The following STON2 variants were observed in gnomAD, a reference collection of about 807,000 sequenced individuals.
The protein encoded by STON2 is stonin 2.
Under a neutral mutation model 65.7 loss-of-function variants are expected in STON2, and 29 were observed. That is an observed-to-expected ratio of 0.44 (90% confidence interval 0.33 to 0.60). The LOEUF is 0.60. Ranked by LOEUF, STON2 falls within the 20% of genes least tolerant of loss-of-function variation. The probability of loss-of-function intolerance (pLI) is 0.03; values close to 1 mark genes in which losing one functional copy is unlikely to be tolerated. For missense variants in STON2, 1,054 were observed against 1,118.1 expected, an observed-to-expected ratio of 0.94 and a Z score of 0.82; for synonymous variants, 404 against 414.2, an observed-to-expected ratio of 0.98 and a Z score of 0.30.
chr14:81,261,666 A>G lies in STON2; in HGVS notation c.*6748T>C, dbSNP rs1894150145. On this transcript the variant is annotated 3_prime_UTR_variant, in exon 8 of 8. Coordinates refer to ENST00000614646, the MANE Select transcript of STON2 (RefSeq NM_001394390.1). Reference sequence around the variant, plus strand: ...TTTATACAAAATGACAAATATATATATACCTCATTGATTATCCTATCATCC... The same window carrying G: ...TTTATACAAAATGACAAATATATATGTACCTCATTGATTATCCTATCATCC... The G allele has an allele frequency of 2.1e-6, 2 of 959,846 alleles. No homozygotes were observed. Among genetic ancestry groups the G allele is most frequent in the African/African-American group, 1.7e-5 (1 of 60,214 alleles). The allele number at this position is 959,846 out of a possible 1,614,324, so 59.5% of individuals were successfully genotyped here.
intron 1 of STON2, among the ~76,000 whole-genome samples, chr14:81,429,389 T>G (rs1365684764): frequency 6.6e-6 from 1 of 152,254 alleles, no homozygotes; most frequent in Admixed American, 6.5e-5. Context: ...CCTGCAAGTT[T>G]GACAGAGTTT....
intron 3 of STON2, among the ~76,000 whole-genome samples, chr14:81,391,411 T>A (rs983275460): frequency 7.2e-5 from 11 of 152,196 alleles, no homozygotes; most frequent in African/African-American, 2.7e-4. Context: ...ACTGTGTAAC[T>A]TGGGGAATGT....
Position 81,265,946 on chromosome 14 carries a change from A to C in STON2, c.*2468T>G, listed in dbSNP as rs1489420573. The C allele has an allele frequency of 1.0e-6, 1 of 985,428 alleles. No homozygotes were observed. Among genetic ancestry groups the C allele is most frequent in the Non-Finnish European group, 1.2e-6 (1 of 829,926 alleles). The allele number at this position is 985,428 out of a possible 1,614,324, so 61.0% of individuals were successfully genotyped here. A position where few individuals can be genotyped will look rare whatever the true frequency, so the allele number is the denominator to read the frequency against. On this transcript the variant is annotated 3_prime_UTR_variant, in exon 8 of 8. Transcript: ENST00000614646. ...GCTTCATTTCCCTTGCCAACTCTCC[A>C]ATCCATTTAGATGTTCTATGAGGAA... is the stretch of plus-strand genomic sequence containing the variant.
At chr14:81,393,598 A>G (rs1012318625) in intron 3 of STON2, among the ~76,000 whole-genome samples, 6 of 152,218 alleles carry the variant, frequency 3.9e-5, no homozygotes, top group Admixed American at 2.6e-4. Flanking sequence ...TGTAATATGG[A>G]TTAATATTAA....
At chr14:81,323,655 C>A (rs540948124) in intron 5 of STON2, 1 of 152,246 alleles carries the variant, frequency 6.6e-6, no homozygotes, top group African/African-American at 2.4e-5. Context: ...TTCAATTAGT[C>A]AGAGGTGCCT....
At chr14:81,365,874 C>T (rs1468915241) in intron 4 of STON2, among the ~76,000 whole-genome samples, 3 of 152,318 alleles carry the variant, frequency 2.0e-5, no homozygotes, top group East Asian at 3.9e-4. Context: ...ACTTCAAAGG[C>T]AGAAGGTTTG....
chr14:81,426,462 A>C (rs1226714942), intron 2 of STON2, among the ~76,000 whole-genome samples: 4 of 152,118 alleles, frequency 2.6e-5, no homozygotes, highest in Non-Finnish European at 5.9e-5. Context: ...TCCATCTATA[A>C]GCTAGGGACC....
chr14:81,326,529 C>A (rs1043873980), intron 4 of STON2, among the ~76,000 whole-genome samples: 1 of 152,138 alleles, frequency 6.6e-6, no homozygotes, highest in Non-Finnish European at 1.5e-5. Flanking sequence ...TTGAAACCTG[C>A]ATTACACAAG....
chr14:81,296,890 C>A (rs1895781950), intron 5 of STON2, among the ~76,000 whole-genome samples: 1 of 152,090 alleles, frequency 6.6e-6, no homozygotes, highest in Non-Finnish European at 1.5e-5. Flanking sequence ...CTATCTAAAA[C>A]TTTCTTAAGA....
chr14:81,275,857 G>A (rs188513468), intron 6 of STON2, among the ~76,000 whole-genome samples: 7 of 152,106 alleles, frequency 4.6e-5, no homozygotes, highest in African/African-American at 1.4e-4. Context: ...CACTCAGAGC[G>A]GGAGAGGAAG....
chr14:81,390,209 G>T (rs1460390971), intron 3 of STON2, among the ~76,000 whole-genome samples: 2 of 147,688 alleles, frequency 1.4e-5, no homozygotes, highest in South Asian at 4.3e-4. Context: ...AAAAAAAAAA[G>T]AAAAACTTAA....
chr14:81,268,712 G>T (rs1894454905), intron 7 of STON2: 1 of 883,592 alleles, frequency 1.1e-6, no homozygotes, highest in Non-Finnish European at 1.4e-6. Flanking sequence ...TTCCCTCATG[G>T]TCCACCAGGA....
At chr14:81,290,841 A>T (rs540249562) in intron 5 of STON2, among the ~76,000 whole-genome samples, 2 of 152,356 alleles carry the variant, frequency 1.3e-5, no homozygotes, top group Non-Finnish European at 1.5e-5. Flanking sequence ...CCAAGATCAA[A>T]GGGGACATCC....
At chr14:81,347,720 A>T (rs1287194297) in intron 4 of STON2, among the ~76,000 whole-genome samples, 1 of 137,898 alleles carries the variant, frequency 7.3e-6, no homozygotes, top group Non-Finnish European at 1.6e-5. Flanking sequence ...AAACACTAAA[A>T]ATGTGAGACC....
chr14:81,413,736 C>T lies in STON2; in HGVS notation c.-199+13366G>A, dbSNP rs190114075. Among the ~76,000 whole-genome samples, 240 of 139,222 alleles carry T rather than the reference C, an allele frequency of 1.7e-3. 21 individuals carry two copies. Among genetic ancestry groups the T allele is most frequent in the Non-Finnish European group, 2.2e-3 (150 of 66,838 alleles). The allele number at this position is 139,222 out of a possible 152,430, so 91.3% of individuals were successfully genotyped here. ...GCTTGAACCCGGGAGGTGGAGGTTG[C>T]AGTGGGCAGAGATCACGCCATTGCA... On this transcript the variant is annotated intron_variant, in intron 2 of 8. Transcript: ENST00000553821.
rs1894369595 is a variant in STON2 at position 81,266,693 on chromosome 14, G to C, written c.*1721C>G. On this transcript the variant is annotated 3_prime_UTR_variant, in exon 8 of 8. Transcript: ENST00000614646. ...AACACCAGCTGACTACATTAGCTTT[G>C]TGAATAGCCATGATATATTTCTGAT... 2.0e-6 allele frequency: 2 copies of C among 985,114 alleles called. No homozygotes were observed. Among genetic ancestry groups the C allele is most frequent in the Admixed American group, 1.2e-4 (2 of 16,256 alleles). The allele number at this position is 985,114 out of a possible 1,614,324, so 61.0% of individuals were successfully genotyped here.
intron 3 of STON2, among the ~76,000 whole-genome samples, chr14:81,389,178 A>G (rs776230081): frequency 6.6e-6 from 1 of 152,252 alleles, no homozygotes; most frequent in South Asian, 2.1e-4. Flanking sequence ...TATACATTAT[A>G]TATAGGAAAG....
intron 3 of STON2, among the ~76,000 whole-genome samples, chr14:81,376,183 TA>T (rs1304807282): frequency 1.3e-5 from 2 of 151,502 alleles, no homozygotes; most frequent in Admixed American, 1.3e-4. Flanking sequence ...AAGGAAATAA[TA>T]AATATAAAAT....
Position 81,277,030 on chromosome 14 carries a change from C to A in STON2, c.2452G>T (p.Ala818Ser), listed in dbSNP as rs746140734. The change falls in exon 6 of 8, where the codon GCA becomes TCA. Residue 818 changes from alanine (A) to serine (S), a missense_variant. Physicochemically the swap from Ala to Ser is moderately conservative, Grantham distance 99 (BLOSUM62 1). Coordinates refer to ENST00000614646, the MANE Select transcript of STON2 (RefSeq NM_001394390.1). ...GAAACACTAGTGGAGCCAAAACTTGCCCCCCGGTTCACTTTGGCTTTCAAA... is the reference window on the plus strand; with the variant it reads ...GAAACACTAGTGGAGCCAAAACTTGACCCCCGGTTCACTTTGGCTTTCAAA... ...KSLKAKVNRG[A>S]SFGSTSVSGS... 2 of 1,614,058 alleles carry A rather than the reference C, an allele frequency of 1.2e-6. No homozygotes were observed. Among genetic ancestry groups the A allele is most frequent in the Non-Finnish European group, 1.7e-6 (2 of 1,180,026 alleles).
Sources: allele counts gnomAD v4.1 joint callset (sites outside exome capture counted in the v4.1 genomes callset), GRCh38; gene constraint gnomAD v4.1.1; transcripts MANE v1.5; gene names NCBI Gene and HGNC (gene_info 2026-07-23, HGNC 2026-07-21).